The following PRELID2 variants were observed in gnomAD, a reference collection of about 807,000 sequenced individuals.
PRELID2 encodes PRELI domain containing 2.
In PRELID2, 25 loss-of-function variants were observed where a neutral mutation model predicts 28.4. That is an observed-to-expected ratio of 0.88 (90% CI 0.64 to 1.23). The LOEUF is 1.23. Among genes scored for constraint, PRELID2 ranks in the 50% most tolerant of loss-of-function variants. The probability of loss-of-function intolerance (pLI) is 0.00; values close to 1 mark genes in which losing one functional copy is unlikely to be tolerated. For synonymous variants in PRELID2, 76 were observed against 71.6 expected (o/e 1.06, Z -0.31); for missense variants, 201 against 214.4 (o/e 0.94, Z 0.39).
rs1467133452 is a variant in PRELID2 at position 145,784,799 on chromosome 5, TTA to T, written c.474+11641_474+11642del. On this transcript the variant is annotated intron_variant, in intron 5 of 6. Coordinates refer to ENST00000683046, the MANE Select transcript of PRELID2 (RefSeq NM_205846.3). ...AATCCCAACTTTGTTTTTTTTTTTT[TTA>T]AAAAAACATACATATACATACATTT... 4.7e-5 allele frequency among the ~76,000 whole-genome samples: 7 copies of T among 150,046 alleles called. 1 individual carries two copies. The highest frequency in any genetic ancestry group is 1.7e-4 in the African/African-American group (7 of 40,268).
At chr5:145,446,698 G>C in the PRELID2 span, among the ~76,000 whole-genome samples, 3 of 151,914 alleles carry the variant, frequency 2.0e-5, no homozygotes, top group Admixed American at 6.6e-5. Flanking sequence ...CACATACCTG[G>C]AGCTTCCATC....
intron 1 of PRELID2, among the ~76,000 whole-genome samples, chr5:145,663,092 T>A (rs1754525560): frequency 2.6e-5 from 4 of 152,088 alleles, no homozygotes; most frequent in African/African-American, 7.2e-5. Context: ...AGAGAATCAG[T>A]AAATCTATAG....
At chr5:145,241,194 C>T in the PRELID2 span, among the ~76,000 whole-genome samples, 1 of 151,910 alleles carries the variant, frequency 6.6e-6, no homozygotes, top group East Asian at 1.9e-4. Flanking sequence ...GCCTTTCTTG[C>T]AATTAGATAC....
the PRELID2 span, among the ~76,000 whole-genome samples, chr5:145,422,038 TGG>T: frequency 1.5e-5 from 2 of 137,320 alleles, no homozygotes; most frequent in African/African-American, 5.5e-5. Context: ...TGTAGTTGAG[TGG>T]TTTTGAGTGA....
the PRELID2 span, among the ~76,000 whole-genome samples, chr5:145,321,429 T>G: frequency 6.6e-6 from 1 of 152,226 alleles, no homozygotes; most frequent in African/African-American, 2.4e-5. Flanking sequence ...TCTGAAAGAC[T>G]CTGCACATGT....
chr5:145,289,692 TAG>T, the PRELID2 span, among the ~76,000 whole-genome samples: 1 of 152,210 alleles, frequency 6.6e-6, no homozygotes, highest in Admixed American at 6.5e-5. Flanking sequence ...TCTAAAGTGG[TAG>T]TCTCATTTTG....
In PRELID2 at chr5:145,610,848, C is replaced by A. The variant is rs146924751; in HGVS notation, n.71-137533G>T. ...ATACAGAGAAAATATCAAAGTTAAT[C>A]ACAACAGGTCAAAATTCTTCTTTTT... On this transcript the variant is annotated intron_variant and non_coding_transcript_variant, in intron 1 of 2. Transcript: ENST00000510259. Among the ~76,000 whole-genome samples, 471 of 151,992 alleles carry A rather than the reference C, an allele frequency of 3.1e-3. 2 individuals carry two copies. The highest frequency in any genetic ancestry group is 0.011 in the African/African-American group (457 of 41,448).
intron 5 of PRELID2, among the ~76,000 whole-genome samples, chr5:145,784,465 A>G (rs1357505071): frequency 6.6e-6 from 1 of 152,214 alleles, no homozygotes; most frequent in Non-Finnish European, 1.5e-5. Context: ...CAAGTTATAC[A>G]GCCAGAATAT....
At chr5:145,392,716 G>GGGAAAGAAGGAA in the PRELID2 span, among the ~76,000 whole-genome samples, 1 of 151,528 alleles carries the variant, frequency 6.6e-6, no homozygotes, top group African/African-American at 2.4e-5. Context: ...GAAAGAGAGA[G>GGGAAAGAAGGAA]GGAAAGAAGG....
the PRELID2 span, among the ~76,000 whole-genome samples, chr5:145,382,295 A>C: frequency 1.3e-5 from 2 of 152,044 alleles, no homozygotes; most frequent in Non-Finnish European, 2.9e-5. Context: ...TCTAGCATAC[A>C]TAAAATTGAA....
intron 1 of PRELID2, among the ~76,000 whole-genome samples, chr5:145,577,877 C>T (rs956591636): frequency 2.6e-5 from 4 of 152,092 alleles, no homozygotes; most frequent in African/African-American, 9.7e-5. Context: ...ATTATATCCC[C>T]ATCATCAACA....
chr5:145,373,757 A>G, the PRELID2 span, among the ~76,000 whole-genome samples: 1 of 77,428 alleles, frequency 1.3e-5, no homozygotes, highest in Non-Finnish European at 2.1e-5. Context: ...TATATATGAT[A>G]TTATATATTA....
chr5:145,465,926 G>C, the PRELID2 span, among the ~76,000 whole-genome samples: 1 of 152,028 alleles, frequency 6.6e-6, no homozygotes, highest in African/African-American at 2.4e-5. Context: ...CCATTATTAT[G>C]ATAGCATTTA....
chr5:145,354,319 G>T, the PRELID2 span, among the ~76,000 whole-genome samples: 6 of 152,108 alleles, frequency 3.9e-5, no homozygotes, highest in Admixed American at 3.9e-4. Context: ...AATTTGGAAA[G>T]GTTGCCCCAT....
chr5:145,262,256 G>A, the PRELID2 span, among the ~76,000 whole-genome samples: 1 of 151,992 alleles, frequency 6.6e-6, no homozygotes, highest in African/African-American at 2.4e-5. Context: ...AGAAATCTAA[G>A]TTTGGAAAAC....
the PRELID2 span, among the ~76,000 whole-genome samples, chr5:145,293,281 T>A: frequency 6.6e-6 from 1 of 152,184 alleles, no homozygotes; most frequent in Non-Finnish European, 1.5e-5. Context: ...TTTAGACAGA[T>A]TTCTGGGGAT....
chr5:145,765,178 A>T (rs1757672109), intron 5 of PRELID2, among the ~76,000 whole-genome samples, 178 bp from the exon 6 acceptor site: 1 of 152,176 alleles, frequency 6.6e-6, no homozygotes, highest in Non-Finnish European at 1.5e-5. Context: ...TTTCACATAC[A>T]TTATCTCCGC....
intron 1 of PRELID2, among the ~76,000 whole-genome samples, chr5:145,669,441 C>A (rs1045099607): frequency 6.6e-6 from 1 of 152,062 alleles, no homozygotes; most frequent in Non-Finnish European, 1.5e-5. Context: ...AGAGACACTG[C>A]AAAACTCCTG....
the PRELID2 span, among the ~76,000 whole-genome samples, chr5:145,427,048 A>C: frequency 6.6e-6 from 1 of 152,196 alleles, no homozygotes; most frequent in Non-Finnish European, 1.5e-5. Flanking sequence ...AACGGATCTG[A>C]CCTACTTTAG....
Sources: gnomAD v4.1 joint callset for allele counts (sites outside exome capture counted in the v4.1 genomes callset) on GRCh38, gnomAD v4.1.1 for gene constraint, MANE v1.5 for transcripts, NCBI Gene and HGNC (gene_info 2026-07-23, HGNC 2026-07-21) for gene names.